LPIN2: variants seen among roughly 807,000 people sequenced by gnomAD.
LPIN2 encodes lipin 2.
In LPIN2, 55 loss-of-function variants were observed where a neutral mutation model predicts 111.4. The ratio of observed to expected loss-of-function variants is 0.49; its 90% CI spans 0.40 to 0.62. The LOEUF (loss-of-function observed/expected upper bound fraction) is 0.62. Among genes scored for constraint, LPIN2 ranks in the 20% least tolerant of loss-of-function variants. The pLI is 0.00. For missense variants in LPIN2, 992 were observed against 1,112.1 expected (o/e 0.89, Z 1.54); for synonymous variants, 425 against 414.0 (o/e 1.03, Z -0.32).
chr18:2,993,142 C>T (rs1216158524), intron 1 of LPIN2, among the ~76,000 whole-genome samples: 5 of 140,062 alleles, frequency 3.6e-5, no homozygotes, highest in East Asian at 2.0e-4. Context: ...GAGACCCTGA[C>T]GGAGGAAGAA....
intron 7 of LPIN2, among the ~76,000 whole-genome samples, chr18:2,937,427 C>A (rs1483970506): frequency 6.6e-6 from 1 of 151,190 alleles, no homozygotes; most frequent in African/African-American, 2.4e-5. Flanking sequence ...TGCCTGTAAC[C>A]CCAGCTACTC....
intron 1 of LPIN2, among the ~76,000 whole-genome samples, chr18:3,011,023 C>A (rs1342732079): frequency 6.6e-6 from 1 of 152,138 alleles, no homozygotes; most frequent in Non-Finnish European, 1.5e-5. Flanking sequence ...CTTCATTCAA[C>A]AGACCTCGAC....
At chr18:2,978,384 C>G (rs952043547) in intron 1 of LPIN2, among the ~76,000 whole-genome samples, 2 of 152,114 alleles carry the variant, frequency 1.3e-5, no homozygotes, top group Non-Finnish European at 2.9e-5. Flanking sequence ...CTCAGGGACT[C>G]CTGGTATGAC....
intron 2 of LPIN2, among the ~76,000 whole-genome samples, chr18:2,959,850 T>C (rs1478573592): frequency 6.6e-6 from 1 of 151,982 alleles, no homozygotes; most frequent in African/African-American, 2.4e-5. Flanking sequence ...AAATGTGGCA[T>C]TAATTAATTT....
intron 1 of LPIN2, among the ~76,000 whole-genome samples, chr18:2,969,370 T>C (rs1018688044): frequency 6.6e-6 from 1 of 152,126 alleles, no homozygotes; most frequent in African/African-American, 2.4e-5. Flanking sequence ...TCTGAGCTGG[T>C]GTTGGGCCTC....
chr18:2,929,990 A>G (rs933940247), intron 9 of LPIN2, among the ~76,000 whole-genome samples: 3 of 152,146 alleles, frequency 2.0e-5, no homozygotes, highest in African/African-American at 7.2e-5. Context: ...AAACAAAAAA[A>G]CCTAGAATTT....
intron 18 of LPIN2, 86 bp downstream of exon 18, chr18:2,921,447 T>G (rs2077052413): frequency 4.0e-6 from 4 of 1,010,032 alleles, no homozygotes; most frequent in Non-Finnish European, 6.3e-6. Context: ...AAAACTGCTT[T>G]GAGAATTGGG....
chr18:2,992,089 C>G (rs567678313), intron 1 of LPIN2, among the ~76,000 whole-genome samples: 3 of 151,804 alleles, frequency 2.0e-5, no homozygotes, highest in African/African-American at 7.3e-5. Flanking sequence ...CAGGTACATA[C>G]ACAAAAGAAC....
intron 1 of LPIN2, among the ~76,000 whole-genome samples, chr18:2,999,528 C>T (rs540705790): frequency 5.1e-4 from 77 of 151,714 alleles, no homozygotes; most frequent in African/African-American, 1.8e-3. Flanking sequence ...TGGCATGGCC[C>T]GGGAGGCGGA....
chr18:2,935,543 CAT>C (rs1253110325), intron 7 of LPIN2, among the ~76,000 whole-genome samples: 1 of 152,116 alleles, frequency 6.6e-6, no homozygotes, highest in African/African-American at 2.4e-5. Context: ...TTACAAGAAA[CAT>C]AAAAATCAAA....
chr18:2,990,257 A>G (rs1031674031), intron 1 of LPIN2, among the ~76,000 whole-genome samples: 9 of 152,366 alleles, frequency 5.9e-5, no homozygotes, highest in African/African-American at 2.2e-4. Flanking sequence ...TTGGCAAATG[A>G]TTCTCAGATA....
Position 2,923,788 on chromosome 18 carries a change from G to C in LPIN2, c.2161C>G (p.His721Asp), listed in dbSNP as rs200256485. ...WTHQGIAKLYHSINENGYKFL... is the reference protein window; with the variant it reads ...WTHQGIAKLYDSINENGYKFL... ...GAGGGTACCTACTCATTGATGGAAT[G>C]GTAGAGCTTTGCTATACCCTGGTGG... Residue 721 changes from histidine to aspartate, a missense_variant, in exon 16 of 20, where the codon CAT becomes GAT. Transcript: ENST00000677752. The C allele has an allele frequency of 6.2e-7, 1 of 1,613,924 alleles. No homozygotes were observed. The highest frequency in any genetic ancestry group is 1.3e-5 in the African/African-American group (1 of 74,934).
intron 2 of LPIN2, among the ~76,000 whole-genome samples, chr18:2,955,180 C>T (rs2077590784): frequency 6.6e-6 from 1 of 152,110 alleles, no homozygotes; most frequent in Non-Finnish European, 1.5e-5. Context: ...ATGCGTTGGG[C>T]CATTTTTGTG....
intron 7 of LPIN2, among the ~76,000 whole-genome samples, chr18:2,935,900 G>C (rs761195898): frequency 2.6e-5 from 4 of 152,132 alleles, no homozygotes; most frequent in Non-Finnish European, 1.5e-5. Context: ...AACCACTCAG[G>C]GTTCCTGTCT....
chr18:2,962,785 T>C (rs1200480936), intron 1 of LPIN2, among the ~76,000 whole-genome samples: 1 of 152,128 alleles, frequency 6.6e-6, no homozygotes, highest in African/African-American at 2.4e-5. Flanking sequence ...ACTGCTTGAA[T>C]GGTGGTGGCA....
chr18:3,005,569 C>A (rs2078501311), intron 1 of LPIN2, among the ~76,000 whole-genome samples: 1 of 151,970 alleles, frequency 6.6e-6, no homozygotes, highest in Non-Finnish European at 1.5e-5. Context: ...CCCAGCTACT[C>A]AGGAGGCACA....
chr18:3,011,229 T>C (rs940502289), intron 1 of LPIN2, among the ~76,000 whole-genome samples: 1 of 152,224 alleles, frequency 6.6e-6, no homozygotes, highest in African/African-American at 2.4e-5. Context: ...TTAACAGTGC[T>C]TTACTATAGT....
At chr18:2,995,965 T>C (rs892201326) in intron 1 of LPIN2, among the ~76,000 whole-genome samples, 2 of 152,240 alleles carry the variant, frequency 1.3e-5, no homozygotes, top group Admixed American at 1.3e-4. Context: ...GGTACCAAGC[T>C]TCCTTATTAC....
intron 3 of LPIN2, among the ~76,000 whole-genome samples, chr18:2,953,771 TGAAA>T (rs2077572148): frequency 6.6e-6 from 1 of 152,218 alleles, no homozygotes; most frequent in Non-Finnish European, 1.5e-5. Flanking sequence ...CTGATGCCTT[TGAAA>T]GAATTTTTAA....
Sources: gnomAD v4.1 joint callset for allele counts (sites outside exome capture counted in the v4.1 genomes callset) on GRCh38, gnomAD v4.1.1 for gene constraint, MANE v1.5 for transcripts, NCBI Gene and HGNC (gene_info 2026-07-23, HGNC 2026-07-21) for gene names.